Variants in CFAP299 observed in about 807,000 individuals in gnomAD.
CFAP299 encodes the protein cilia and flagella associated protein 299.
Under a neutral mutation model 27.0 loss-of-function variants are expected in CFAP299, and 21 were observed. The observed-to-expected ratio is 0.78, with a 90% confidence interval of 0.55 to 1.12. The LOEUF (loss-of-function observed/expected upper bound fraction) is 1.12. Among genes scored for constraint, CFAP299 ranks in the 50% most tolerant of loss-of-function variants. The probability of loss-of-function intolerance (pLI) is 0.00; values close to 1 mark genes in which losing one functional copy is unlikely to be tolerated. For missense variants in CFAP299, 310 were observed against 276.6 expected (o/e 1.12, Z -0.86); for synonymous variants, 104 against 98.1 (o/e 1.06, Z -0.36).
At position 80,731,638 on chromosome 4, in the gene CFAP299, C is replaced by T. The variant is rs28362145; in HGVS notation, c.334-138355C>T. ...CTCTCTCTCATTCAGCATGCCATGA[C>T]AAGCTCAATTTGCCAATGGCAAGAA... On this transcript the variant is annotated intron_variant, in intron 3 of 5. Coordinates refer to ENST00000358105, the MANE Select transcript of CFAP299 (RefSeq NM_152770.3). Among the ~76,000 whole-genome samples, 368 of 152,232 alleles carry T rather than the reference C, an allele frequency of 2.4e-3. 1 individual carries two copies. Among genetic ancestry groups the T allele is most frequent in the African/African-American group, 8.4e-3 (350 of 41,542 alleles).
At chr4:80,848,817 T>C (rs771510988) in intron 3 of CFAP299, among the ~76,000 whole-genome samples, 2 of 151,872 alleles carry the variant, frequency 1.3e-5, no homozygotes, top group African/African-American at 2.4e-5. Context: ...GTATAAGAGA[T>C]AAAAAATGGT....
chr4:80,497,596 A>G (rs375555353), intron 2 of CFAP299, among the ~76,000 whole-genome samples: 6 of 152,116 alleles, frequency 3.9e-5, no homozygotes, highest in East Asian at 3.9e-4. Context: ...GTATTTTCAT[A>G]TCTTTTTTTA....
chr4:80,938,665 G>T (rs1215915482), intron 4 of CFAP299, among the ~76,000 whole-genome samples: 1 of 152,168 alleles, frequency 6.6e-6, no homozygotes, highest in Admixed American at 6.6e-5. Context: ...CTCTAGCGCT[G>T]CTAGGTTAGG....
intron 4 of CFAP299, among the ~76,000 whole-genome samples, chr4:80,916,296 T>TATATATATATATATATATATA (rs1578236267): frequency 1.5e-4 from 19 of 130,702 alleles, no homozygotes; most frequent in South Asian, 7.6e-4. Context: ...TATATATATA[T>TATATATATATATATATATATA]TTCAGGTACA....
intron 3 of CFAP299, among the ~76,000 whole-genome samples, chr4:80,752,797 T>A (rs1725010494): frequency 6.6e-6 from 1 of 152,082 alleles, no homozygotes; most frequent in Non-Finnish European, 1.5e-5. Context: ...CCCCTTTAAA[T>A]CTATTCTATT....
chr4:80,847,448 G>T (rs181968102), intron 3 of CFAP299, among the ~76,000 whole-genome samples: 67 of 152,274 alleles, frequency 4.4e-4, no homozygotes, highest in African/African-American at 1.5e-3. Flanking sequence ...AGTGTTGGGG[G>T]AAGTCTAGTG....
intron 3 of CFAP299, among the ~76,000 whole-genome samples, chr4:80,795,865 G>A (rs1190904580): frequency 6.6e-6 from 1 of 152,140 alleles, no homozygotes; most frequent in Non-Finnish European, 1.5e-5. Context: ...ATTTGCAGAA[G>A]ATGGCAGGGA....
At chr4:80,883,564 G>C (rs534781339) in intron 4 of CFAP299, among the ~76,000 whole-genome samples, 237 of 152,032 alleles carry the variant, frequency 1.6e-3, no homozygotes, top group Non-Finnish European at 2.5e-3. Context: ...ACACAAATAG[G>C]CTGAAAATGA....
chr4:80,540,260 A>C (rs1042082020), intron 2 of CFAP299, among the ~76,000 whole-genome samples: 29 of 152,250 alleles, frequency 1.9e-4, no homozygotes, highest in African/African-American at 6.7e-4. Flanking sequence ...CTGGAGTCTA[A>C]TTTTTCCTGA....
chr4:80,670,800 TCTGTTC>T (rs1741434347), intron 3 of CFAP299, among the ~76,000 whole-genome samples: 2 of 152,256 alleles, frequency 1.3e-5, no homozygotes. Flanking sequence ...TTGAGAAGTG[TCTGTTC>T]CTATCCTTTG....
At chr4:80,602,445 A>T (rs1381213957) in intron 3 of CFAP299, among the ~76,000 whole-genome samples, 1 of 152,190 alleles carries the variant, frequency 6.6e-6, no homozygotes, top group African/African-American at 2.4e-5. Context: ...GTATAATGGA[A>T]AACGATGTAA....
intron 2 of CFAP299, among the ~76,000 whole-genome samples, chr4:80,475,366 C>A (rs531667901): frequency 4.1e-4 from 62 of 152,064 alleles, no homozygotes; most frequent in Non-Finnish European, 7.4e-4. Context: ...TGGCTTGGTC[C>A]AGGGAGGTGG....
chr4:80,386,223 TG>T, intron 2 of CFAP299: 2 of 1,010,260 alleles, frequency 2.0e-6, no homozygotes, highest in Non-Finnish European at 2.9e-6. Context: ...GCATGGCACA[TG>T]GGCCCTCGGC....
chr4:80,535,953 A>G (rs1006905034), intron 2 of CFAP299, among the ~76,000 whole-genome samples: 1 of 152,192 alleles, frequency 6.6e-6, no homozygotes, highest in Admixed American at 6.5e-5. Context: ...GAGGATCATC[A>G]AGCTAGGGAG....
rs535245706 is a variant in CFAP299, at chr4:80,861,396, G to A, written c.334-8597G>A. 1.6e-3 allele frequency among the ~76,000 whole-genome samples: 248 copies of A among 152,146 alleles called. 1 individual carries two copies. The highest frequency in any genetic ancestry group is 4.3e-3 in the African/African-American group (177 of 41,518). On this transcript the variant is annotated intron_variant, in intron 3 of 5. Transcript: ENST00000358105. ...GCAATGCCTCACCCTGCTTTGGCTC[G>A]TGCACGGTGCACTGAACCCACTGAC...
intron 3 of CFAP299, among the ~76,000 whole-genome samples, chr4:80,627,102 A>T (rs1334304361): frequency 6.6e-6 from 1 of 151,932 alleles, no homozygotes; most frequent in African/African-American, 2.4e-5. Flanking sequence ...CCTCAACAAA[A>T]TATTAGCACA....
intron 3 of CFAP299, among the ~76,000 whole-genome samples, chr4:80,683,112 T>C (rs1159562058): frequency 6.6e-6 from 1 of 152,168 alleles, no homozygotes; most frequent in Non-Finnish European, 1.5e-5. Context: ...ATCTCCAAGA[T>C]AAGAATGAAT....
intron 3 of CFAP299, among the ~76,000 whole-genome samples, chr4:80,869,380 T>C (rs1732941970): frequency 6.6e-6 from 1 of 152,198 alleles, no homozygotes; most frequent in Admixed American, 6.5e-5. Flanking sequence ...TTCAGCACAG[T>C]ATTCTCAGCA....
At chr4:80,573,454 C>T (rs1031141847) in intron 2 of CFAP299, among the ~76,000 whole-genome samples, 2 of 152,000 alleles carry the variant, frequency 1.3e-5, no homozygotes, top group African/African-American at 2.4e-5. Flanking sequence ...TGTGCAGAAG[C>T]TTTTTGACTT....
Sources: gnomAD v4.1 joint callset for allele counts (sites outside exome capture counted in the v4.1 genomes callset) on GRCh38, gnomAD v4.1.1 for gene constraint, MANE v1.5 for transcripts, NCBI Gene and HGNC (gene_info 2026-07-23, HGNC 2026-07-21) for gene names.